Variants in RAP1GAP2 observed in about 807,000 individuals in gnomAD.
RAP1GAP2 encodes the protein rap1 GTPase-activating protein 2.
Under a neutral mutation model 95.0 loss-of-function variants are expected in RAP1GAP2, and 27 were observed. That is an observed-to-expected ratio of 0.28 (90% confidence interval 0.21 to 0.39). The LOEUF (loss-of-function observed/expected upper bound fraction) is 0.39, where lower values mean the gene tolerates loss of function less well. RAP1GAP2 is among the 10% of genes least tolerant of loss of function. RAP1GAP2 has a pLI of 1.00. For synonymous variants in RAP1GAP2, 373 were observed against 380.9 expected (o/e 0.98, Z 0.24); for missense variants, 771 against 970.0 (o/e 0.79, Z 2.72).
At chr17:2,880,468 T>TA (rs1597497495) in intron 2 of RAP1GAP2, among the ~76,000 whole-genome samples, 1 of 151,212 alleles carries the variant, frequency 6.6e-6, no homozygotes, top group East Asian at 1.9e-4. Flanking sequence ...TTTTTTTTTT[T>TA]ATTGTGGTAA....
chr17:2,974,475 A>G (rs1328034601), intron 8 of RAP1GAP2, among the ~76,000 whole-genome samples: 1 of 152,218 alleles, frequency 6.6e-6, no homozygotes, highest in Non-Finnish European at 1.5e-5. Context: ...TCTTTCTGAA[A>G]GAATTACTGA....
intron 12 of RAP1GAP2, 56 bp downstream of exon 12, chr17:2,991,453 G>A (rs2045747021): frequency 2.2e-6 from 3 of 1,367,220 alleles, no homozygotes; most frequent in African/African-American, 1.4e-5. Flanking sequence ...CTAGAGGAAG[G>A]GCAAGACAGC....
intron 4 of RAP1GAP2, among the ~76,000 whole-genome samples, chr17:2,958,825 C>T (rs979782430): frequency 5.9e-5 from 9 of 151,838 alleles, no homozygotes; most frequent in African/African-American, 1.9e-4. Flanking sequence ...GTGGGCCAAG[C>T]AGCCAGGTGT....
chr17:2,797,597 T>C lies in RAP1GAP2; in HGVS notation c.44+1026T>C. On this transcript the variant is annotated intron_variant, in intron 1 of 24. Coordinates refer to ENST00000254695, the MANE Select transcript of RAP1GAP2 (RefSeq NM_015085.5). This position sits in a 1 kb window ranked among gnomAD's most constrained non-coding sequence, Gnocchi z 5.6. ...TCCTCGGTAATTTTTCGCTTCCGTG[T>C]GTGTGGCTTATTTCCCTCTTCCTCC... 1.4e-6 allele frequency: 1 copy of C among 693,550 alleles called. No individual in the cohort carries two copies. The highest frequency in any genetic ancestry group is 1.8e-6 in the Non-Finnish European group (1 of 563,584). 43.0% of individuals were successfully genotyped at this position (693,550 alleles called of 1,614,324 possible).
Position 2,796,726 on chromosome 17 carries a change from G to T in RAP1GAP2, c.44+155G>T, listed in dbSNP as rs145296838. On this transcript the variant is annotated intron_variant, in intron 1 of 24. Transcript: ENST00000254695. This position sits in a 1 kb window ranked among gnomAD's most constrained non-coding sequence, Gnocchi z 4.7. ...TGGCAGGTCGAGATGCAGGATCCTGGTGGGGACATCAGAGACCGTAAGCCT... is the reference window on the plus strand; with the variant it reads ...TGGCAGGTCGAGATGCAGGATCCTGTTGGGGACATCAGAGACCGTAAGCCT... Among the ~76,000 whole-genome samples, 1 of 152,330 alleles carries T rather than the reference G, an allele frequency of 6.6e-6. No individual in the cohort carries two copies. The highest frequency in any genetic ancestry group is 1.9e-4 in the East Asian group (1 of 5,178).
chr17:2,848,877 C>T (rs1376818506), intron 2 of RAP1GAP2, among the ~76,000 whole-genome samples: 2 of 152,164 alleles, frequency 1.3e-5, no homozygotes, highest in African/African-American at 4.8e-5. Flanking sequence ...TCTTTCCCTT[C>T]CCCCGACGCC....
chr17:2,943,628 G>A (rs779857465), intron 3 of RAP1GAP2, among the ~76,000 whole-genome samples: 1 of 151,992 alleles, frequency 6.6e-6, no homozygotes, highest in Non-Finnish European at 1.5e-5. Flanking sequence ...TCGTACCAGT[G>A]CACTCCAGCC....
intron 3 of RAP1GAP2, among the ~76,000 whole-genome samples, chr17:2,908,759 G>C (rs187798052): frequency 1.5e-3 from 234 of 152,198 alleles, no homozygotes; most frequent in Non-Finnish European, 2.6e-3. Flanking sequence ...CTGTCACTCA[G>C]CCTGGAGGAT....
intron 3 of RAP1GAP2, among the ~76,000 whole-genome samples, chr17:2,952,446 C>G (rs1054771704): frequency 6.6e-6 from 1 of 152,124 alleles, no homozygotes; most frequent in Non-Finnish European, 1.5e-5. Flanking sequence ...TGGCATGGCC[C>G]GGATATTGTT....
intron 2 of RAP1GAP2, among the ~76,000 whole-genome samples, chr17:2,877,158 G>A (rs1026670144): frequency 1.3e-5 from 2 of 152,088 alleles, no homozygotes; most frequent in Non-Finnish European, 2.9e-5. Flanking sequence ...CAAAGTGCTG[G>A]AATTACAGGC....
intron 1 of RAP1GAP2, among the ~76,000 whole-genome samples, chr17:2,786,063 GGC>G: frequency 6.6e-6 from 1 of 152,022 alleles, no homozygotes; most frequent in Non-Finnish European, 1.5e-5. Context: ...CACCATGCCT[GGC>G]TAATTTTGTA....
chr17:2,962,497 C>G, intron 4 of RAP1GAP2, 173 bp from the exon 5 acceptor site: 1 of 640,164 alleles, frequency 1.6e-6, no homozygotes, highest in Non-Finnish European at 2.6e-6. Context: ...GTTGCCTCAC[C>G]TGAGGCTGCT....
chr17:2,860,070 C>A (rs1198819690), intron 2 of RAP1GAP2, among the ~76,000 whole-genome samples: 1 of 152,110 alleles, frequency 6.6e-6, no homozygotes, highest in Non-Finnish European at 1.5e-5. Flanking sequence ...CCATTGCAGG[C>A]AGCCCCATGA....
At chr17:2,996,622 T>A (rs1265343472) in intron 13 of RAP1GAP2, among the ~76,000 whole-genome samples, 1 of 152,242 alleles carries the variant, frequency 6.6e-6, no homozygotes, top group Non-Finnish European at 1.5e-5. Flanking sequence ...AGCCCCTCTG[T>A]TCCCTTATGG....
At chr17:2,771,556 C>T (rs1027139578) in intron 2 of RAP1GAP2, among the ~76,000 whole-genome samples, 17 of 146,192 alleles carry the variant, frequency 1.2e-4, no homozygotes, top group South Asian at 6.8e-4. Flanking sequence ...TGTAATGGCA[C>T]GATCTTGGCT....
chr17:2,851,877 C>A (rs2071864474), intron 2 of RAP1GAP2, among the ~76,000 whole-genome samples: 1 of 152,172 alleles, frequency 6.6e-6, no homozygotes, highest in South Asian at 2.1e-4. Flanking sequence ...CACCCTGTTA[C>A]CCACTGTGCA....
intron 22 of RAP1GAP2, among the ~76,000 whole-genome samples, chr17:3,030,581 T>C (rs987451462): frequency 2.6e-5 from 4 of 152,172 alleles, no homozygotes; most frequent in Non-Finnish European, 5.9e-5. Flanking sequence ...TTCTACCACA[T>C]GGATACAATA....
intron 8 of RAP1GAP2, 32 bp from the exon 9 acceptor site, chr17:2,980,255 A>AGGGCGGG: frequency 6.2e-7 from 1 of 1,609,818 alleles, no homozygotes; most frequent in Non-Finnish European, 8.5e-7. Flanking sequence ...ACTGTTTCTT[A>AGGGCGGG]GGGATGTCCT....
chr17:3,020,622 G>C (rs753806293), intron 19 of RAP1GAP2, 27 bp downstream of exon 19: 5 of 1,593,210 alleles, frequency 3.1e-6, no homozygotes, highest in Non-Finnish European at 4.3e-6. Context: ...CCCTACCCCA[G>C]CCTGACTTGC....
Sources: allele counts gnomAD v4.1 joint callset (sites outside exome capture counted in the v4.1 genomes callset), GRCh38; gene constraint gnomAD v4.1.1; non-coding constraint Gnocchi (gnomAD v3.1); transcripts MANE v1.5; gene names NCBI Gene and HGNC (gene_info 2026-07-23, HGNC 2026-07-21).